Variants in NR2F1-AS1 observed in about 807,000 individuals in gnomAD.
The protein encoded by NR2F1-AS1 is NR2F1 antisense RNA 1.
At chr5:93,539,168 C>T (rs961855409) in intron 4 of NR2F1-AS1, among the ~76,000 whole-genome samples, 5 of 152,132 alleles carry the variant, frequency 3.3e-5, no homozygotes, top group African/African-American at 9.7e-5. Context: ...ATCCCAGCTA[C>T]TCAGGAGGCT....
chr5:93,565,411 A>T (rs1242023049), intron 1 of NR2F1-AS1, among the ~76,000 whole-genome samples: 1 of 152,148 alleles, frequency 6.6e-6, no homozygotes, highest in African/African-American at 2.4e-5. Context: ...GTATTTATTT[A>T]AAAAGTATTT....
chr5:93,564,653 C>T (rs944633566), intron 1 of NR2F1-AS1, among the ~76,000 whole-genome samples: 23 of 152,110 alleles, frequency 1.5e-4, no homozygotes, highest in Non-Finnish European at 3.2e-4. Context: ...ATGATTTGAA[C>T]ATAGTATAAA....
chr5:93,469,081 G>C (rs1054070837), intron 4 of NR2F1-AS1, among the ~76,000 whole-genome samples: 1 of 152,104 alleles, frequency 6.6e-6, no homozygotes, highest in Admixed American at 6.6e-5. Context: ...AAAGATATTT[G>C]TGGAAAAGCT....
intron 4 of NR2F1-AS1, among the ~76,000 whole-genome samples, chr5:93,517,590 T>C (rs1751423584): frequency 6.6e-6 from 1 of 152,052 alleles, no homozygotes; most frequent in Non-Finnish European, 1.5e-5. Flanking sequence ...TATAACTATG[T>C]AATTGCAGAA....
intron 4 of NR2F1-AS1, among the ~76,000 whole-genome samples, chr5:93,492,898 A>C (rs970801571): frequency 7.2e-5 from 11 of 152,070 alleles, no homozygotes; most frequent in Admixed American, 1.3e-4. Flanking sequence ...CTTTAATACG[A>C]TAAAGGGCAC....
intron 4 of NR2F1-AS1, among the ~76,000 whole-genome samples, chr5:93,536,812 G>A (rs1302438181): frequency 6.6e-6 from 1 of 152,154 alleles, no homozygotes; most frequent in Admixed American, 6.5e-5. Context: ...TCATCTTGTA[G>A]CTCCCATAAT....
chr5:93,537,214 T>C (rs539077416), intron 4 of NR2F1-AS1, among the ~76,000 whole-genome samples: 1 of 152,182 alleles, frequency 6.6e-6, no homozygotes, highest in South Asian at 2.1e-4. Flanking sequence ...GAAGAAAATA[T>C]AGGGGAGATG....
At chr5:93,434,335 T>C (rs1030632357) in intron 4 of NR2F1-AS1, among the ~76,000 whole-genome samples, 8 of 152,196 alleles carry the variant, frequency 5.3e-5, no homozygotes, top group African/African-American at 1.7e-4. Context: ...TTTTCAACTT[T>C]TTATTTTCAA....
chr5:93,464,273 T>C (rs1218805406), intron 4 of NR2F1-AS1, among the ~76,000 whole-genome samples: 1 of 152,168 alleles, frequency 6.6e-6, no homozygotes. Flanking sequence ...TCTGCTGCCA[T>C]GTGAGATGTG....
intron 4 of NR2F1-AS1, among the ~76,000 whole-genome samples, chr5:93,547,414 G>A (rs576758725): frequency 4.6e-5 from 7 of 152,050 alleles, no homozygotes; most frequent in Non-Finnish European, 1.0e-4. Context: ...CACCATTAAT[G>A]TCCATGTCCC....
chr5:93,414,425 T>C (rs543787014), intron 4 of NR2F1-AS1, among the ~76,000 whole-genome samples: 1 of 152,208 alleles, frequency 6.6e-6, no homozygotes, highest in South Asian at 2.1e-4. Context: ...ATATATTTGA[T>C]TTAAACCCTT....
chr5:93,461,088 G>A (rs905853707), intron 4 of NR2F1-AS1, among the ~76,000 whole-genome samples: 2 of 152,102 alleles, frequency 1.3e-5, no homozygotes, highest in Non-Finnish European at 2.9e-5. Flanking sequence ...CAACCCAAAT[G>A]CCCATCAATG....
intron 4 of NR2F1-AS1, among the ~76,000 whole-genome samples, chr5:93,443,979 C>A (rs889122136): frequency 6.6e-6 from 1 of 152,080 alleles, no homozygotes; most frequent in South Asian, 2.1e-4. Flanking sequence ...GAAATAAAAT[C>A]CTTTACAGAC....
chr5:93,443,997 T>C (rs2149853565), intron 4 of NR2F1-AS1, among the ~76,000 whole-genome samples: 1 of 152,192 alleles, frequency 6.6e-6, no homozygotes, highest in East Asian at 1.9e-4. Context: ...GACAAGCAAA[T>C]GCTGAGAGAT....
At chr5:93,445,373 C>A (rs950891664) in intron 4 of NR2F1-AS1, among the ~76,000 whole-genome samples, 1 of 151,910 alleles carries the variant, frequency 6.6e-6, no homozygotes, top group African/African-American at 2.4e-5. Context: ...GTATCACCAC[C>A]GATCCCACAG....
intron 1 of NR2F1-AS1, among the ~76,000 whole-genome samples, chr5:93,565,943 T>C (rs1235163088): frequency 6.6e-6 from 1 of 151,916 alleles, no homozygotes; most frequent in Non-Finnish European, 1.5e-5. Context: ...TAAACCCATT[T>C]AAGACTATTG....
At chr5:93,538,926 T>G (rs1157212869) in intron 4 of NR2F1-AS1, among the ~76,000 whole-genome samples, 1 of 152,152 alleles carries the variant, frequency 6.6e-6, no homozygotes, top group Non-Finnish European at 1.5e-5. Flanking sequence ...TCCAAGAACT[T>G]ATAGACAATG....
intron 4 of NR2F1-AS1, chr5:93,423,107 G>C (rs1749121545): frequency 6.6e-6 from 1 of 152,298 alleles, no homozygotes. Context: ...GCACATTTAG[G>C]GGGAAGCCAC....
chr5:93,485,182 C>T (rs1268147822), intron 4 of NR2F1-AS1, among the ~76,000 whole-genome samples: 1 of 152,166 alleles, frequency 6.6e-6, no homozygotes, highest in Non-Finnish European at 1.5e-5. Flanking sequence ...CACCACATTG[C>T]ACTTATTCTA....
Sources: allele counts gnomAD v4.1 joint callset (sites outside exome capture counted in the v4.1 genomes callset), GRCh38; gene constraint gnomAD v4.1.1; transcripts MANE v1.5; gene names NCBI Gene and HGNC (gene_info 2026-07-23, HGNC 2026-07-21).